Variants in CDH13 observed in about 807,000 individuals in gnomAD.
The protein encoded by CDH13 is cadherin 13, also known as cadherin-13.
CDH13 carries 24 observed loss-of-function variants against 63.8 expected under a neutral mutation model. The observed-to-expected ratio is 0.38, with a 90% CI of 0.27 to 0.53. The LOEUF (loss-of-function observed/expected upper bound fraction) is 0.53. Ranked by LOEUF, CDH13 falls within the 20% of genes least tolerant of loss-of-function variation. The pLI is 0.85. For synonymous variants in CDH13, 503 were observed against 355.3 expected, an observed-to-expected ratio of 1.42 and a Z score of -4.67; for missense variants, 1,049 against 903.1, an observed-to-expected ratio of 1.16 and a Z score of -2.07.
At chr16:82,744,123 T>A (rs1222348215) in intron 1 of CDH13, among the ~76,000 whole-genome samples, 1 of 152,184 alleles carries the variant, frequency 6.6e-6, no homozygotes, top group Non-Finnish European at 1.5e-5. Flanking sequence ...CTTTACTTGA[T>A]CAGGCCCATT....
chr16:83,157,572 A>G (rs554420586), intron 4 of CDH13, among the ~76,000 whole-genome samples: 1 of 152,300 alleles, frequency 6.6e-6, no homozygotes, highest in African/African-American at 2.4e-5. Context: ...AGGACCTAGC[A>G]GGAAAATACC....
At chr16:83,285,717 G>A (rs2089294035) in intron 5 of CDH13, among the ~76,000 whole-genome samples, 1 of 152,110 alleles carries the variant, frequency 6.6e-6, no homozygotes, top group African/African-American at 2.4e-5. Flanking sequence ...GGATTTTGGT[G>A]TTTGTGGGGG....
chr16:82,972,618 A>G (rs1430418651), intron 2 of CDH13, among the ~76,000 whole-genome samples: 1 of 152,178 alleles, frequency 6.6e-6, no homozygotes, highest in African/African-American at 2.4e-5. Context: ...GCATAACTCC[A>G]TGTGAATTGC....
At chr16:83,113,804 T>C (rs528752958) in intron 3 of CDH13, among the ~76,000 whole-genome samples, 2 of 152,110 alleles carry the variant, frequency 1.3e-5, no homozygotes, top group South Asian at 4.2e-4. Flanking sequence ...AATTGGAGGG[T>C]GCGTGCAGCT....
At chr16:82,803,356 A>G (rs1225360259) in intron 1 of CDH13, among the ~76,000 whole-genome samples, 7 of 152,200 alleles carry the variant, frequency 4.6e-5, no homozygotes, top group Admixed American at 3.9e-4. Context: ...TTATCTCAGA[A>G]TTCAGGAAGG....
chr16:83,644,995 C>G (rs944918370), intron 8 of CDH13, among the ~76,000 whole-genome samples: 1 of 152,222 alleles, frequency 6.6e-6, no homozygotes, highest in Non-Finnish European at 1.5e-5. Flanking sequence ...AAGCTCCCCA[C>G]TCTTGAACCT....
chr16:83,063,701 C>CAA (rs1555574063), intron 3 of CDH13, among the ~76,000 whole-genome samples: 1 of 152,136 alleles, frequency 6.6e-6, no homozygotes, highest in African/African-American at 2.4e-5. Flanking sequence ...TAAAACAACA[C>CAA]AAATTTATTC....
At chr16:82,997,177 T>C (rs1001834813) in intron 2 of CDH13, among the ~76,000 whole-genome samples, 8 of 152,048 alleles carry the variant, frequency 5.3e-5, no homozygotes, top group Admixed American at 5.2e-4. Context: ...ATGGTGATGA[T>C]GGTGGTGATG....
chr16:82,685,068 A>C (rs1047270699), intron 1 of CDH13, among the ~76,000 whole-genome samples: 1 of 152,096 alleles, frequency 6.6e-6, no homozygotes, highest in African/African-American at 2.4e-5. Context: ...GCAATAACTC[A>C]GTGCGCAGAC....
intron 6 of CDH13, among the ~76,000 whole-genome samples, chr16:83,411,201 C>G (rs1463480835): frequency 1.3e-5 from 2 of 152,198 alleles, no homozygotes; most frequent in Non-Finnish European, 2.9e-5. Context: ...CAATCACCCA[C>G]TAATCTCTGC....
rs962484332 is a variant in CDH13, at chr16:83,159,004, G to GT, written c.483+33506dup. Among the ~76,000 whole-genome samples, 54 of 152,120 alleles carry GT rather than the reference G, an allele frequency of 3.5e-4. 1 individual carries two copies. The Middle Eastern group carries it at 0.01, about 29-fold the overall frequency. On this transcript the variant is annotated intron_variant, in intron 4 of 13. Transcript: ENST00000567109. ...AATTTCATCCTTTGCCTCTCATTTG[G>GT]TTTCCAAATTTATTTTCACTCACAA...
chr16:83,613,460 C>A (rs529694768), intron 8 of CDH13, among the ~76,000 whole-genome samples: 10 of 152,220 alleles, frequency 6.6e-5, no homozygotes, highest in South Asian at 4.1e-4. Context: ...TATATATAGA[C>A]TTTCTATGCT....
rs550312514 is a variant in CDH13, at chr16:82,793,722, G to C, written c.46-64640G>C. On this transcript the variant is annotated intron_variant, in intron 1 of 13. Transcript: ENST00000567109. ...TGTGATGTAGATGACTGTGCTGCTCGAGATGCTTGCAATCAACAGGGCGCT... is the reference window on the plus strand; with the variant it reads ...TGTGATGTAGATGACTGTGCTGCTCCAGATGCTTGCAATCAACAGGGCGCT... Among the ~76,000 whole-genome samples, 40 of 152,248 alleles carry C rather than the reference G, an allele frequency of 2.6e-4. No individual in the cohort carries two copies. The Middle Eastern group carries it at 0.024, about 91-fold the overall frequency.
intron 8 of CDH13, among the ~76,000 whole-genome samples, chr16:83,609,220 T>C (rs1908639346): frequency 6.6e-6 from 1 of 152,170 alleles, no homozygotes; most frequent in South Asian, 2.1e-4. Flanking sequence ...ATTCGTAAAC[T>C]TTCTTAAGAC....
intron 1 of CDH13, among the ~76,000 whole-genome samples, chr16:82,651,876 T>G (rs1236989948): frequency 6.6e-6 from 1 of 152,156 alleles, no homozygotes; most frequent in Non-Finnish European, 1.5e-5. Flanking sequence ...GCTATTGACA[T>G]TAACAGTTGG....
chr16:83,217,371 G>A lies in CDH13; in HGVS notation c.510G>A (p.Arg170=). The A allele has an allele frequency of 1.9e-6, 3 of 1,613,938 alleles. 1 individual carries two copies. The highest frequency in any genetic ancestry group is 2.2e-5 in the South Asian group (2 of 91,076). Residue 170 remains arginine, a synonymous_variant, in exon 5 of 14, where the codon AGG becomes AGA. Coordinates refer to ENST00000567109, the MANE Select transcript of CDH13 (RefSeq NM_001257.5). ...GKVVDSDRPE[R]SKFRLTGKGV... is the part of the protein sequence containing the mutation. ...TAGTCGATAGTGACAGGCCAGAAAG[G>A]TCCAAGTTCCGGCTCACTGGAAAGG...
chr16:83,572,212 G>C (rs1904703577), intron 7 of CDH13, among the ~76,000 whole-genome samples: 1 of 146,422 alleles, frequency 6.8e-6, no homozygotes, highest in Non-Finnish European at 1.5e-5. Context: ...GTGTGTGTGA[G>C]TTTCACTATT....
At position 82,880,277 on chromosome 16, in the gene CDH13, C is replaced by G. The variant is rs1597884391; in HGVS notation, c.157+21804C>G. 2.0e-5 allele frequency among the ~76,000 whole-genome samples: 3 copies of G among 152,090 alleles called. No homozygotes were observed. In the South Asian group the frequency reaches 6.2e-4, roughly 32 times the overall value. On this transcript the variant is annotated intron_variant, in intron 2 of 13. Transcript: ENST00000567109. Reference sequence around the variant, plus strand: ...ACAAATTATTAACCCTGTAAACCGGCTTTCAGCAAGCTACGTGGATGAGGG... The same window carrying G: ...ACAAATTATTAACCCTGTAAACCGGGTTTCAGCAAGCTACGTGGATGAGGG...
intron 1 of CDH13, among the ~76,000 whole-genome samples, chr16:82,835,254 A>C (rs1407612878): frequency 1.3e-5 from 2 of 152,224 alleles, no homozygotes; most frequent in East Asian, 3.8e-4. Flanking sequence ...TAACAGGCAC[A>C]TGTGACCGGT....
Sources: allele counts gnomAD v4.1 joint callset (sites outside exome capture counted in the v4.1 genomes callset), GRCh38; gene constraint gnomAD v4.1.1; transcripts MANE v1.5; gene names NCBI Gene and HGNC (gene_info 2026-07-23, HGNC 2026-07-21).